The following PTK2B variants were observed in gnomAD, a reference collection of about 807,000 sequenced individuals.
The protein encoded by PTK2B is protein-tyrosine kinase 2-beta.
PTK2B carries 71 observed loss-of-function variants against 142.9 expected under a neutral mutation model. That is an observed-to-expected ratio of 0.50 (90% CI 0.41 to 0.61). The LOEUF is 0.61. Among genes scored for constraint, PTK2B ranks in the 20% least tolerant of loss-of-function variants. PTK2B has a pLI of 0.00. For missense variants in PTK2B, 1,105 were observed against 1,320.4 expected (o/e 0.84, Z 2.53); for synonymous variants, 519 against 503.4 (o/e 1.03, Z -0.42).
intron 2 of PTK2B, among the ~76,000 whole-genome samples, chr8:27,403,896 TTCC>T (rs973162311): frequency 2.6e-5 from 4 of 151,446 alleles, no homozygotes; most frequent in East Asian, 1.9e-4. Flanking sequence ...TTTTCTTCTC[TTCC>T]TCCTCCTCCT....
intron 2 of PTK2B, among the ~76,000 whole-genome samples, chr8:27,400,473 A>G (rs1387697093): frequency 1.3e-5 from 2 of 151,364 alleles, no homozygotes; most frequent in Non-Finnish European, 1.5e-5. Context: ...AACCTGGCCA[A>G]TGGGAGATGG....
intron 18 of PTK2B, among the ~76,000 whole-genome samples, chr8:27,438,175 A>C (rs1371509205): frequency 1.3e-5 from 2 of 152,100 alleles, no homozygotes; most frequent in Non-Finnish European, 2.9e-5. Context: ...AATCGCCCCC[A>C]ACCTTGCTCA....
At chr8:27,380,194 C>T (rs1397028601) in intron 1 of PTK2B, among the ~76,000 whole-genome samples, 1 of 152,148 alleles carries the variant, frequency 6.6e-6, no homozygotes, top group African/African-American at 2.4e-5. Context: ...TTTCTCTGCC[C>T]AGCCCTGGCT....
intron 1 of PTK2B, among the ~76,000 whole-genome samples, chr8:27,370,037 A>G (rs17057051): frequency 0.29 from 43,424 of 152,128 alleles, 6,533 homozygotes; most frequent in South Asian, 0.49. Context: ...TTCTGCTTCA[A>G]TGAGGCAACT....
Position 27,451,064 on chromosome 8 carries a change from G to T in PTK2B, c.2509G>T (p.Asp837Tyr). ...GCAGGACCCCATGGTTTATATGAAT[G>T]ATAAGTCCCCATTGGTGAGTTGCCA... ...KSLDPMVYMN[D>Y]KSPLTPEKEV... is the part of the protein sequence containing the mutation. The change falls in exon 26 of 31, where the codon GAT becomes TAT. Residue 837 changes from aspartate to tyrosine, a missense_variant. Physicochemically the swap from Asp to Tyr is radical, Grantham distance 160 (BLOSUM62 -3). Coordinates refer to ENST00000346049, the MANE Select transcript of PTK2B (RefSeq NM_173176.3). The T allele has an allele frequency of 6.2e-7, 1 of 1,612,908 alleles. No homozygotes were observed. The highest frequency in any genetic ancestry group is 8.5e-7 in the Non-Finnish European group (1 of 1,178,902).
chr8:27,433,216 G>A lies in PTK2B; in HGVS notation c.988-219G>A, dbSNP rs6988471. On this transcript the variant is annotated intron_variant, in intron 10 of 30. Coordinates refer to ENST00000346049, the MANE Select transcript of PTK2B (RefSeq NM_173176.3). ...GCTATGTGCTCAGAGGCCAAAATAAGTGAGGCCTGGGACTGGCCTTTGGAG... is the reference window on the plus strand; with the variant it reads ...GCTATGTGCTCAGAGGCCAAAATAAATGAGGCCTGGGACTGGCCTTTGGAG... Among the ~76,000 whole-genome samples the A allele has an allele frequency of 1.9e-3, 292 of 152,358 alleles. 1 individual carries two copies. The highest frequency in any genetic ancestry group is 6.6e-3 in the African/African-American group (276 of 41,584).
At chr8:27,451,631 C>T in intron 27 of PTK2B, 122 bp downstream of exon 27, 1 of 1,554,196 alleles carries the variant, frequency 6.4e-7, no homozygotes, top group African/African-American at 1.4e-5. Flanking sequence ...CAGCATCGGC[C>T]ATGATTTAAT....
chr8:27,398,993 T>G (rs1371533417), intron 2 of PTK2B, among the ~76,000 whole-genome samples: 1 of 152,240 alleles, frequency 6.6e-6, no homozygotes, highest in Non-Finnish European at 1.5e-5. Context: ...TTGCTCATCT[T>G]TCTGATATAA....
At chr8:27,349,075 C>G (rs1232170234) in intron 1 of PTK2B, among the ~76,000 whole-genome samples, 1 of 152,164 alleles carries the variant, frequency 6.6e-6, no homozygotes, top group African/African-American at 2.4e-5. Flanking sequence ...TGATGCCAAA[C>G]AGAGGGGACT....
intron 5 of PTK2B, among the ~76,000 whole-genome samples, chr8:27,429,396 T>C (rs1810272650): frequency 6.6e-6 from 1 of 152,206 alleles, no homozygotes; most frequent in South Asian, 2.1e-4. Context: ...TCTGCAACAG[T>C]CAATGAAATT....
intron 1 of PTK2B, among the ~76,000 whole-genome samples, chr8:27,335,006 C>G (rs1586099832): frequency 6.6e-6 from 1 of 152,166 alleles, no homozygotes; most frequent in Non-Finnish European, 1.5e-5. Context: ...CTAGGCCAGG[C>G]TGAATGAGAG....
At chr8:27,384,425 T>C (rs2131179442) in intron 1 of PTK2B, among the ~76,000 whole-genome samples, 1 of 152,324 alleles carries the variant, frequency 6.6e-6, no homozygotes, top group Non-Finnish European at 1.5e-5. Flanking sequence ...TTTGGTGGAG[T>C]CTTTAGGTGT....
At chr8:27,333,607 C>T (rs1215346379) in intron 1 of PTK2B, among the ~76,000 whole-genome samples, 1 of 152,166 alleles carries the variant, frequency 6.6e-6, no homozygotes, top group Admixed American at 6.5e-5. Flanking sequence ...AGATATATAA[C>T]TTATGAGAAC....
At chr8:27,386,547 T>C (rs937730656) in intron 1 of PTK2B, among the ~76,000 whole-genome samples, 1 of 152,238 alleles carries the variant, frequency 6.6e-6, no homozygotes, top group African/African-American at 2.4e-5. Flanking sequence ...TTTCTGTCTA[T>C]TTTTAATTTT....
intron 5 of PTK2B, among the ~76,000 whole-genome samples, chr8:27,424,890 A>G (rs1809982259): frequency 6.6e-6 from 1 of 151,790 alleles, no homozygotes; most frequent in South Asian, 2.1e-4. Flanking sequence ...AAATTGTATC[A>G]TTTCCTAGCT....
intron 18 of PTK2B, 50 bp from the exon 19 acceptor site, chr8:27,438,981 C>A: frequency 6.7e-7 from 1 of 1,493,046 alleles, no homozygotes; most frequent in Non-Finnish European, 9.3e-7. Context: ...TGTTCCTGCT[C>A]CCATGGGGGT....
At chr8:27,428,028 G>T (rs1046999742) in intron 5 of PTK2B, among the ~76,000 whole-genome samples, 4 of 152,148 alleles carry the variant, frequency 2.6e-5, no homozygotes, top group Non-Finnish European at 4.4e-5. Flanking sequence ...TCACCATAAT[G>T]TAGAATCAGT....
intron 1 of PTK2B, among the ~76,000 whole-genome samples, chr8:27,390,352 A>G (rs1391108254): frequency 6.6e-6 from 1 of 152,172 alleles, no homozygotes; most frequent in Non-Finnish European, 1.5e-5. Flanking sequence ...TCAGGTTTAA[A>G]GGCCAGGCAT....
At chr8:27,338,693 C>T (rs1804222699) in intron 1 of PTK2B, among the ~76,000 whole-genome samples, 1 of 152,166 alleles carries the variant, frequency 6.6e-6, no homozygotes, top group Non-Finnish European at 1.5e-5. Flanking sequence ...TTTTCCCAAA[C>T]AGTATATTGT....
Sources: gnomAD v4.1 joint callset for allele counts (sites outside exome capture counted in the v4.1 genomes callset) on GRCh38, gnomAD v4.1.1 for gene constraint, MANE v1.5 for transcripts, NCBI Gene and HGNC (gene_info 2026-07-23, HGNC 2026-07-21) for gene names.